The following ALMS1 variants were observed in gnomAD, a reference collection of about 807,000 sequenced individuals.
The protein encoded by ALMS1 is centrosome-associated protein ALMS1.
Under a neutral mutation model 352.2 loss-of-function variants are expected in ALMS1, and 271 were observed. The ratio of observed to expected loss-of-function variants is 0.77; its 90% CI spans 0.70 to 0.85. ALMS1 has a LOEUF of 0.85. Among genes scored for constraint, ALMS1 ranks in the 40% least tolerant of loss-of-function variants. The probability of loss-of-function intolerance (pLI) is 0.00; values close to 1 mark genes in which losing one functional copy is unlikely to be tolerated. For synonymous variants in ALMS1, 1,865 were observed against 1,761.2 expected, an observed-to-expected ratio of 1.06 and a Z score of -1.48; for missense variants, 5,445 against 4,870.7, an observed-to-expected ratio of 1.12 and a Z score of -3.51.
intron 12 of ALMS1, among the ~76,000 whole-genome samples, chr2:73,547,614 A>T (rs1674349075): frequency 6.6e-6 from 1 of 152,184 alleles, no homozygotes; most frequent in South Asian, 2.1e-4. Context: ...AGTGATGGGT[A>T]GATATGGTTA....
chr2:73,447,592 G>T (rs1213311901), intron 7 of ALMS1, among the ~76,000 whole-genome samples: 1 of 152,052 alleles, frequency 6.6e-6, no homozygotes, highest in Non-Finnish European at 1.5e-5. Flanking sequence ...AAGACCTTAT[G>T]TCTTCTGCCA....
In ALMS1 at chr2:73,599,399, A is replaced by G. The variant is rs1396843820; in HGVS notation, c.11548-2A>G. Reference sequence around the variant, plus strand: ...ATAACAAGATCTCTTTTATTTTTCTAGGTAGCAAACCATGTGATTTCTTCT... The same window carrying G: ...ATAACAAGATCTCTTTTATTTTTCTGGGTAGCAAACCATGTGATTTCTTCT... On this transcript the variant is annotated splice_acceptor_variant, in intron 16 of 22. Coordinates refer to ENST00000613296, the MANE Select transcript of ALMS1 (RefSeq NM_001378454.1). LOFTEE classifies it high-confidence loss of function. 3 of 1,612,642 alleles carry G rather than the reference A, an allele frequency of 1.9e-6. No homozygotes were observed.
At chr2:73,592,540 C>T (rs562044759) in intron 16 of ALMS1, among the ~76,000 whole-genome samples, 42 of 152,236 alleles carry the variant, frequency 2.8e-4, no homozygotes, top group Non-Finnish European at 4.3e-4. Context: ...TGGTCCTAAG[C>T]CTGAGTGATT....
intron 9 of ALMS1, among the ~76,000 whole-genome samples, chr2:73,487,527 C>T (rs1672877207): frequency 6.6e-6 from 1 of 152,160 alleles, no homozygotes; most frequent in African/African-American, 2.4e-5. Context: ...GCTCAGGGAC[C>T]CCCTAGGTCT....
intron 15 of ALMS1, among the ~76,000 whole-genome samples, chr2:73,563,289 G>C (rs1275615036): frequency 1.3e-5 from 2 of 152,052 alleles, no homozygotes; most frequent in East Asian, 3.9e-4. Flanking sequence ...GAATTGAAGA[G>C]GTATATTTTT....
At chr2:73,397,410 G>C (rs542619171) in intron 1 of ALMS1, among the ~76,000 whole-genome samples, 8 of 151,850 alleles carry the variant, frequency 5.3e-5, no homozygotes, top group Non-Finnish European at 1.2e-4. Context: ...ATGGGGATGG[G>C]AGTGATTACT....
At chr2:73,590,850 T>G (rs1573045318) in intron 16 of ALMS1, among the ~76,000 whole-genome samples, 1 of 152,184 alleles carries the variant, frequency 6.6e-6, no homozygotes, top group Non-Finnish European at 1.5e-5. Flanking sequence ...GACTAATTTT[T>G]TTGTATTTTT....
chr2:73,428,364 C>G (rs1001263517), intron 6 of ALMS1, among the ~76,000 whole-genome samples: 1 of 152,126 alleles, frequency 6.6e-6, no homozygotes, highest in East Asian at 1.9e-4. Flanking sequence ...ATACCATAAA[C>G]TGTTCCCCCT....
intron 21 of ALMS1, among the ~76,000 whole-genome samples, chr2:73,607,459 G>A (rs1675840229): frequency 6.6e-6 from 1 of 151,736 alleles, no homozygotes; most frequent in Non-Finnish European, 1.5e-5. Flanking sequence ...TTTTCACATG[G>A]CCACAAGATC....
intron 11 of ALMS1, among the ~76,000 whole-genome samples, chr2:73,528,604 A>T (rs1190067356): frequency 6.6e-6 from 1 of 150,466 alleles, no homozygotes; most frequent in African/African-American, 2.4e-5. Context: ...TTTTTAGTCT[A>T]TTCATGGTCT....
intron 10 of ALMS1, among the ~76,000 whole-genome samples, chr2:73,516,915 G>A (rs764161884): frequency 1.3e-5 from 2 of 151,994 alleles, no homozygotes; most frequent in Non-Finnish European, 2.9e-5. Flanking sequence ...TACAACATTT[G>A]GCAAATGTTT....
chr2:73,490,272 TTCA>T lies in ALMS1; in HGVS notation c.8318_8320del (p.Ser2773del), dbSNP rs770459045. 8 of 1,613,690 alleles carry T rather than the reference TTCA, an allele frequency of 5.0e-6. No homozygotes were observed. In the East Asian group the frequency reaches 1.3e-4, roughly 27 times the overall value. On this transcript the variant is annotated inframe_deletion, in exon 10 of 23. Transcript: ENST00000613296. ...ATCTTAAACAGAAAACCTCTTCCCC[TTCA>T]TCATTTAAAATGCATAGTAATTCAC...
chr2:73,404,899 C>CTTTTTTTTTTTTTTTTTTTTTTTTT (rs58122480), intron 1 of ALMS1, among the ~76,000 whole-genome samples: 2 of 60,782 alleles, frequency 3.3e-5, no homozygotes, highest in African/African-American at 2.1e-4. Context: ...TGTCCTGGAC[C>CTTTTTTTTTTTTTTTTTTTTTTTTT]TTTTTTTTTT....
At chr2:73,485,654 C>T (rs974683035) in intron 9 of ALMS1, among the ~76,000 whole-genome samples, 2 of 152,318 alleles carry the variant, frequency 1.3e-5, no homozygotes, top group East Asian at 1.9e-4. Context: ...TGGGCAATGG[C>T]GGGCGCCCCT....
chr2:73,515,588 C>G (rs1673538313), intron 10 of ALMS1, among the ~76,000 whole-genome samples: 1 of 151,936 alleles, frequency 6.6e-6, no homozygotes, highest in Admixed American at 6.6e-5. Context: ...AAAATTAGAG[C>G]TGAACTGTAT....
chr2:73,461,657 C>T (rs4852306), intron 9 of ALMS1, among the ~76,000 whole-genome samples: 75,249 of 152,052 alleles, frequency 0.49, 21,431 homozygotes, highest in East Asian at 0.77. Flanking sequence ...CAAACTACTC[C>T]GAGCTACAGG....
rs764337753 is a variant in ALMS1, at chr2:73,408,621, G to T, written c.325-1G>T. On this transcript the variant is annotated splice_acceptor_variant, in intron 1 of 22. Coordinates refer to ENST00000613296, the MANE Select transcript of ALMS1 (RefSeq NM_001378454.1). LOFTEE classifies it high-confidence loss of function. ...TATTTAAGCCTGCTTTTGATTTTCA[G>T]ATTGTTCCATTGACCTGTCATGTAT... The T allele has an allele frequency of 9.3e-6, 15 of 1,612,748 alleles. No homozygotes were observed. Among genetic ancestry groups the T allele is most frequent in the Non-Finnish European group, 1.2e-5 (14 of 1,179,216 alleles).
At chr2:73,550,548 T>C (rs760685282) in intron 13 of ALMS1, 111 bp downstream of exon 13, 40 of 1,400,390 alleles carry the variant, frequency 2.9e-5, no homozygotes, top group Admixed American at 1.7e-4. Flanking sequence ...CAAGCTTTTC[T>C]CCTTGCTGTT....
chr2:73,547,002 A>C (rs188810376), intron 12 of ALMS1, among the ~76,000 whole-genome samples: 233 of 152,056 alleles, frequency 1.5e-3, no homozygotes, highest in Non-Finnish European at 2.7e-3. Flanking sequence ...CCGTTGAACT[A>C]TTTTTTGACT....
Sources: gnomAD v4.1 joint callset for allele counts (sites outside exome capture counted in the v4.1 genomes callset) on GRCh38, gnomAD v4.1.1 for gene constraint, MANE v1.5 for transcripts, NCBI Gene and HGNC (gene_info 2026-07-23, HGNC 2026-07-21) for gene names.